The following ITK variants were observed in gnomAD, a reference collection of about 807,000 sequenced individuals.
ITK encodes IL2 inducible T cell kinase.
Under a neutral mutation model 87.6 loss-of-function variants are expected in ITK, and 45 were observed. The ratio of observed to expected loss-of-function variants is 0.51; its 90% CI spans 0.40 to 0.66. The LOEUF (loss-of-function observed/expected upper bound fraction) is 0.66. Among genes scored for constraint, ITK ranks in the 30% least tolerant of loss-of-function variants. The pLI is 0.00. For missense variants in ITK, 605 were observed against 766.3 expected (o/e 0.79, Z 2.48); for synonymous variants, 303 against 273.6 (o/e 1.11, Z -1.06).
At chr5:157,239,930 T>C in intron 9 of ITK, 132 bp from the exon 10 acceptor site, 2 of 911,594 alleles carry the variant, frequency 2.2e-6, no homozygotes, top group African/African-American at 1.6e-5. Flanking sequence ...GACAGACTTA[T>C]AAGTTGAACA....
chr5:157,181,005 C>G lies in ITK; in HGVS notation c.28C>G (p.Gln10Glu), dbSNP rs758061743. The G allele has an allele frequency of 1.2e-6, 2 of 1,613,822 alleles. No homozygotes were observed. The highest frequency in any genetic ancestry group is 2.7e-5 in the African/African-American group (2 of 74,922). MNNFILLEEQLIKKSQQKRR... is the reference protein window; with the variant it reads MNNFILLEEELIKKSQQKRR... The stretch of plus-strand genomic sequence containing the variant: ...GAACAACTTTATCCTCCTGGAAGAA[C>G]AGCTCATCAAGAAATCCCAACAAAA... The change falls in exon 1 of 17, where the codon CAG becomes GAG. Residue 10 changes from glutamine (Q) to glutamate (E), a missense_variant. Around this residue, in one of 3 missense-constraint regions of ITK, gnomAD observed 464 missense variants for 578.0 expected, o/e 0.80. Coordinates refer to ENST00000422843, the MANE Select transcript of ITK (RefSeq NM_005546.4).
chr5:157,211,231 C>A, intron 2 of ITK, 56 bp from the exon 3 acceptor site: 2 of 1,440,044 alleles, frequency 1.4e-6, no homozygotes, highest in South Asian at 1.1e-5. Flanking sequence ...GGTCTGCTGT[C>A]AGTCAACTAT....
chr5:157,189,772 C>T (rs149552604), intron 1 of ITK, among the ~76,000 whole-genome samples: 6 of 152,316 alleles, frequency 3.9e-5, no homozygotes, highest in African/African-American at 7.2e-5. Flanking sequence ...ACGTGGAAAT[C>T]GTGTCTACAA....
At chr5:157,202,835 T>C (rs1194195177) in intron 1 of ITK, among the ~76,000 whole-genome samples, 1 of 152,254 alleles carries the variant, frequency 6.6e-6, no homozygotes, top group East Asian at 1.9e-4. Context: ...GTTACATATA[T>C]GGCTCATGTT....
intron 1 of ITK, among the ~76,000 whole-genome samples, chr5:157,192,935 A>C (rs1461475969): frequency 6.6e-6 from 1 of 152,240 alleles, no homozygotes; most frequent in Non-Finnish European, 1.5e-5. Context: ...CAGTTCAAAA[A>C]CATGGAAACT....
chr5:157,229,520 A>G (rs542388244), intron 7 of ITK, among the ~76,000 whole-genome samples: 2 of 152,338 alleles, frequency 1.3e-5, no homozygotes, highest in Non-Finnish European at 2.9e-5. Flanking sequence ...GACAAATCCA[A>G]ATTAGGGAAT....
At chr5:157,218,874 C>A (rs543510990) in intron 5 of ITK, among the ~76,000 whole-genome samples, 2 of 152,280 alleles carry the variant, frequency 1.3e-5, no homozygotes, top group South Asian at 2.1e-4. Context: ...GCCCCACCCC[C>A]AGACCTGCTG....
At chr5:157,240,423 C>A in intron 10 of ITK, 1 of 584,300 alleles carries the variant, frequency 1.7e-6, no homozygotes, top group South Asian at 1.9e-5. Context: ...GAAAGCAACC[C>A]CCTGCCACAT....
intron 1 of ITK, among the ~76,000 whole-genome samples, chr5:157,190,709 G>A (rs1329523018): frequency 6.6e-6 from 1 of 152,206 alleles, no homozygotes; most frequent in Non-Finnish European, 1.5e-5. Context: ...GAAGTTTGAG[G>A]AAATAACTAG....
chr5:157,213,611 G>A (rs1194808898), intron 3 of ITK: 2 of 450,412 alleles, frequency 4.4e-6, no homozygotes, highest in East Asian at 7.0e-5. Context: ...AGAACTCCTG[G>A]ACTCAAGTGA....
chr5:157,198,849 A>T (rs986767664), intron 1 of ITK, among the ~76,000 whole-genome samples: 1 of 151,906 alleles, frequency 6.6e-6, no homozygotes, highest in African/African-American at 2.4e-5. Flanking sequence ...TGCAACCTCA[A>T]CCCCCCAGGC....
chr5:157,189,685 C>A (rs163317), intron 1 of ITK, among the ~76,000 whole-genome samples: 84,063 of 151,972 alleles, frequency 0.55, 23,892 homozygotes, highest in African/African-American at 0.68. Context: ...TGTCACAAAA[C>A]AGAAAAAAAG....
At chr5:157,219,828 G>A (rs1580892414) in intron 5 of ITK, among the ~76,000 whole-genome samples, 1 of 152,184 alleles carries the variant, frequency 6.6e-6, no homozygotes. Context: ...GGCTGCTCTT[G>A]TGTCTTTATT....
Position 157,252,818 on chromosome 5 carries a change from C to A in ITK, c.*140C>A, listed in dbSNP as rs536343015. ...GCCTGTGGCATCAGTCCCTGAGTCA[C>A]CATGGAAGCAGCATCCTGACCACAG... On this transcript the variant is annotated 3_prime_UTR_variant, in exon 17 of 17. Transcript: ENST00000422843. 2.8e-6 allele frequency: 2 copies of A among 722,800 alleles called. No individual in the cohort carries two copies. The highest frequency in any genetic ancestry group is 1.4e-5 in the South Asian group (1 of 70,006). The allele number at this position is 722,800 out of a possible 1,614,324, so 44.8% of individuals were successfully genotyped here.
chr5:157,211,240 A>C (rs570989313), intron 2 of ITK, 47 bp from the exon 3 acceptor site: 2 of 1,508,152 alleles, frequency 1.3e-6, no homozygotes, highest in African/African-American at 2.8e-5. Flanking sequence ...TCAGTCAACT[A>C]TCTCCATGCA....
chr5:157,203,791 C>T (rs1035340980), intron 1 of ITK, among the ~76,000 whole-genome samples: 1 of 152,200 alleles, frequency 6.6e-6, no homozygotes, highest in African/African-American at 2.4e-5. Context: ...TGCGGGAAGA[C>T]AAACCTCCTA....
rs549261507 is a variant in ITK at position 157,244,021 on chromosome 5, C to T, written c.1232+227C>T. On this transcript the variant is annotated intron_variant, in intron 12 of 16. Coordinates refer to ENST00000422843, the MANE Select transcript of ITK (RefSeq NM_005546.4). ...TCTCAGCTCCTACCCATCTCTCCTC[C>T]AGTCCATGACATGCCAGCCACACTG... is the stretch of plus-strand genomic sequence containing the variant. 6.0e-6 allele frequency: 4 copies of T among 665,836 alleles called. No individual in the cohort carries two copies. In the African/African-American group the frequency reaches 7.1e-5, roughly 12 times the overall value. The allele number at this position is 665,836 out of a possible 1,614,324, so 41.2% of individuals were successfully genotyped here.
At chr5:157,232,869 T>A (rs1754688276) in intron 8 of ITK, among the ~76,000 whole-genome samples, 1 of 152,188 alleles carries the variant, frequency 6.6e-6, no homozygotes, top group African/African-American at 2.4e-5. Flanking sequence ...TCAGGGCTGG[T>A]CAGTCATGCC....
At chr5:157,181,166 A>G in intron 1 of ITK, 51 bp downstream of exon 1, 2 of 1,594,356 alleles carry the variant, frequency 1.3e-6, no homozygotes, top group Non-Finnish European at 1.7e-6. Flanking sequence ...TTATGTTTGG[A>G]CTGGGCTAAT....
Sources: gnomAD v4.1 joint callset for allele counts (sites outside exome capture counted in the v4.1 genomes callset) on GRCh38, gnomAD v4.1.1 for gene constraint, gnomAD v4.1.1 regional missense constraint, MANE v1.5 for transcripts, NCBI Gene and HGNC (gene_info 2026-07-23, HGNC 2026-07-21) for gene names.